Variants in FBXL20 observed in about 807,000 individuals in gnomAD.
The protein encoded by FBXL20 is F-box/LRR-repeat protein 20.
A neutral mutation model predicts 64.0 loss-of-function variants in FBXL20; 11 were observed. The observed-to-expected ratio is 0.17, with a 90% CI of 0.11 to 0.28. The LOEUF (loss-of-function observed/expected upper bound fraction) is 0.28, where lower values mean the gene tolerates loss of function less well. FBXL20 is among the 10% of genes least tolerant of loss of function. The pLI is 1.00. For missense variants in FBXL20, 303 were observed against 526.2 expected (o/e 0.58, Z 4.15); for synonymous variants, 184 against 189.0 (o/e 0.97, Z 0.22).
rs566406516 is a variant in FBXL20 at position 39,361,661 on chromosome 17, G to C, written c.43-18420C>G. Among the ~76,000 whole-genome samples the C allele has an allele frequency of 9.9e-5, 15 of 152,110 alleles. 1 individual carries two copies. In the South Asian group the frequency reaches 3.1e-3, roughly 32 times the overall value. The stretch of plus-strand genomic sequence containing the variant: ...AAATACAAAAAATTAGCTGGGTGTG[G>C]TGGCACGCGCCTGTAGTCCCAGCTA... On this transcript the variant is annotated intron_variant, in intron 1 of 14. Transcript: ENST00000264658.
At chr17:39,332,536 CTTTTTTTTTTTTTT>C (rs58827473) in intron 2 of FBXL20, among the ~76,000 whole-genome samples, 1 of 96,964 alleles carries the variant, frequency 1.0e-5, no homozygotes, top group East Asian at 3.3e-4. Context: ...TTCTTTGTAT[CTTTTTTTTTTTTTT>C]TTTTTTTTTT....
intron 11 of FBXL20, among the ~76,000 whole-genome samples, chr17:39,269,497 CTCTT>C (rs1444409142): frequency 1.6e-5 from 2 of 124,224 alleles, no homozygotes; most frequent in African/African-American, 3.3e-5. Flanking sequence ...CCGGCCTTTC[CTCTT>C]TTTTTTTTTT....
intron 7 of FBXL20, among the ~76,000 whole-genome samples, chr17:39,284,891 C>T (rs534731729): frequency 9.9e-5 from 15 of 152,180 alleles, no homozygotes; most frequent in African/African-American, 3.4e-4. Context: ...TAATCTGGCT[C>T]CAGATACCTG....
chr17:39,377,115 T>A (rs1304759633), intron 1 of FBXL20, among the ~76,000 whole-genome samples: 1 of 151,938 alleles, frequency 6.6e-6, no homozygotes, highest in African/African-American at 2.4e-5. Flanking sequence ...GGTTTAGGAG[T>A]CATGAAGCTG....
At chr17:39,279,234 C>G (rs1000594209) in intron 9 of FBXL20, among the ~76,000 whole-genome samples, 3 of 152,194 alleles carry the variant, frequency 2.0e-5, no homozygotes, top group Non-Finnish European at 2.9e-5. Context: ...CCAGGTAGCT[C>G]ACGCCTGTAA....
intron 1 of FBXL20, among the ~76,000 whole-genome samples, chr17:39,382,001 G>A (rs180697999): frequency 6.7e-6 from 1 of 149,828 alleles, no homozygotes; most frequent in African/African-American, 2.5e-5. Context: ...AGCTGAGCAG[G>A]AGAATCACTT....
chr17:39,373,722 A>G (rs1292156677), intron 1 of FBXL20, among the ~76,000 whole-genome samples: 1 of 152,158 alleles, frequency 6.6e-6, no homozygotes, highest in African/African-American at 2.4e-5. Context: ...AATTTTGTCT[A>G]GCCTACTAGG....
intron 2 of FBXL20, among the ~76,000 whole-genome samples, chr17:39,316,294 T>TACAC (rs34083114): frequency 0.23 from 35,232 of 150,126 alleles, 4,946 homozygotes; most frequent in African/African-American, 0.4. Flanking sequence ...CATCTACATA[T>TACAC]ACACACACAC....
At chr17:39,296,101 G>A (rs899750406) in intron 6 of FBXL20, among the ~76,000 whole-genome samples, 1 of 152,044 alleles carries the variant, frequency 6.6e-6, no homozygotes, top group African/African-American at 2.4e-5. Context: ...ATACCAAGTG[G>A]TCAAATTCTT....
At chr17:39,313,475 C>T (rs1052398846) in intron 2 of FBXL20, among the ~76,000 whole-genome samples, 1 of 151,638 alleles carries the variant, frequency 6.6e-6, no homozygotes, top group Non-Finnish European at 1.5e-5. Context: ...TCGAGTGATC[C>T]GCCCGCCTCG....
At chr17:39,400,538 A>C (rs2048231180) in intron 1 of FBXL20, among the ~76,000 whole-genome samples, 1 of 152,200 alleles carries the variant, frequency 6.6e-6, no homozygotes. Flanking sequence ...GGAACCTTCC[A>C]GTATATTGTT....
At chr17:39,297,085 T>C (rs1315054460) in intron 6 of FBXL20, 42 bp downstream of exon 6, 1 of 1,421,878 alleles carries the variant, frequency 7.0e-7, no homozygotes, top group African/African-American at 1.4e-5. Flanking sequence ...CAGCCAGACA[T>C]AAGGGGTTAT....
intron 2 of FBXL20, among the ~76,000 whole-genome samples, chr17:39,336,752 A>C (rs1247663571): frequency 6.6e-6 from 1 of 151,406 alleles, no homozygotes; most frequent in Non-Finnish European, 1.5e-5. Context: ...TGAACCTGGG[A>C]GGCAGAGGTT....
chr17:39,309,424 C>T (rs1037370029), intron 2 of FBXL20, among the ~76,000 whole-genome samples: 1 of 152,162 alleles, frequency 6.6e-6, no homozygotes, highest in African/African-American at 2.4e-5. Flanking sequence ...ATTACTTAAA[C>T]TAGGACTTAT....
chr17:39,336,196 G>C (rs549015907), intron 2 of FBXL20, among the ~76,000 whole-genome samples: 282 of 152,312 alleles, frequency 1.9e-3, no homozygotes, highest in Non-Finnish European at 3.8e-3. Context: ...TGGTAACTTG[G>C]CTGTAAGCAC....
chr17:39,361,347 AAACT>A (rs780875193), intron 1 of FBXL20, among the ~76,000 whole-genome samples: 2 of 152,184 alleles, frequency 1.3e-5, no homozygotes, highest in South Asian at 2.1e-4. Flanking sequence ...ATAGTTTGAT[AAACT>A]AACTATGATA....
chr17:39,369,008 C>A (rs2047889139), intron 1 of FBXL20, among the ~76,000 whole-genome samples: 1 of 152,062 alleles, frequency 6.6e-6, no homozygotes, highest in Non-Finnish European at 1.5e-5. Flanking sequence ...ATTGTGGTTT[C>A]TTCTTTCACT....
At chr17:39,393,157 C>T (rs866122486) in intron 1 of FBXL20, among the ~76,000 whole-genome samples, 2 of 151,752 alleles carry the variant, frequency 1.3e-5, no homozygotes, top group African/African-American at 4.8e-5. Context: ...GGTGTGGTGG[C>T]GGGCACCTGT....
At chr17:39,377,539 C>T (rs1461518137) in intron 1 of FBXL20, among the ~76,000 whole-genome samples, 1 of 148,038 alleles carries the variant, frequency 6.8e-6, no homozygotes, top group East Asian at 2.0e-4. Flanking sequence ...CTTGCTCTGT[C>T]GCCCAGGCTG....
Sources: allele counts gnomAD v4.1 joint callset (sites outside exome capture counted in the v4.1 genomes callset), GRCh38; gene constraint gnomAD v4.1.1; transcripts MANE v1.5; gene names NCBI Gene and HGNC (gene_info 2026-07-23, HGNC 2026-07-21).